CCDC102B: variants seen among roughly 807,000 people sequenced by gnomAD.
The protein encoded by CCDC102B is coiled-coil domain-containing protein 102B.
CCDC102B carries 75 observed loss-of-function variants against 57.4 expected under a neutral mutation model. That is an observed-to-expected ratio of 1.31 (90% CI 1.08 to 1.58). The LOEUF (loss-of-function observed/expected upper bound fraction) is 1.58, where lower values mean the gene tolerates loss of function less well. Among genes scored for constraint, CCDC102B ranks in the 40% most tolerant of loss-of-function variants. The pLI, the probability that CCDC102B is intolerant of heterozygous loss-of-function variation, is 0.00. For missense variants in CCDC102B, 636 were observed against 582.6 expected (o/e 1.09, Z -0.94); for synonymous variants, 206 against 201.9 (o/e 1.02, Z -0.17).
At chr18:69,032,213 C>T (rs1385869829) in intron 7 of CCDC102B, among the ~76,000 whole-genome samples, 1 of 152,100 alleles carries the variant, frequency 6.6e-6, no homozygotes, top group Non-Finnish European at 1.5e-5. Flanking sequence ...CTTCTGAAAG[C>T]AGACATCTGT....
chr18:68,910,112 G>A (rs185877677), intron 6 of CCDC102B, among the ~76,000 whole-genome samples: 1 of 152,254 alleles, frequency 6.6e-6, no homozygotes, highest in African/African-American at 2.4e-5. Flanking sequence ...GGCCAACACG[G>A]TGAAACACCG....
intron 1 of CCDC102B, among the ~76,000 whole-genome samples, chr18:68,810,692 T>TTGTTTG (rs2036222843): frequency 7.0e-6 from 1 of 142,456 alleles, no homozygotes; most frequent in African/African-American, 2.7e-5. Context: ...TTTTTTTTTT[T>TTGTTTG]TTTTTTTTTT....
At chr18:68,847,393 T>G (rs2037920457) in intron 4 of CCDC102B, among the ~76,000 whole-genome samples, 1 of 150,626 alleles carries the variant, frequency 6.6e-6, no homozygotes, top group Admixed American at 6.7e-5. Context: ...AAGCTAATAT[T>G]TAAGATGCAA....
intron 4 of CCDC102B, among the ~76,000 whole-genome samples, chr18:68,853,410 A>G (rs2038222124): frequency 6.6e-6 from 1 of 152,068 alleles, no homozygotes; most frequent in Non-Finnish European, 1.5e-5. Context: ...AGTCTGGAAA[A>G]AAGACTAAAT....
At chr18:69,018,587 A>G (rs754554516) in intron 7 of CCDC102B, among the ~76,000 whole-genome samples, 1 of 152,114 alleles carries the variant, frequency 6.6e-6, no homozygotes, top group Non-Finnish European at 1.5e-5. Flanking sequence ...ATGCCTATTC[A>G]CGTATTCTGC....
Position 68,888,435 on chromosome 18 carries a change from A to G in CCDC102B, c.1054-8784A>G, listed in dbSNP as rs1007754983. Among the ~76,000 whole-genome samples, 6 of 152,256 alleles carry G rather than the reference A, an allele frequency of 3.9e-5. No individual in the cohort carries two copies. In the East Asian group the frequency reaches 5.8e-4, roughly 15 times the overall value. ...TATCCTTTGTTCTTCTACGTTCTGT[A>G]TTTCCTGCAAACAAGAATTAAGTCT... On this transcript the variant is annotated intron_variant, in intron 5 of 7. Transcript: ENST00000360242.
chr18:68,952,621 A>C (rs896688774), intron 6 of CCDC102B, among the ~76,000 whole-genome samples: 8 of 152,144 alleles, frequency 5.3e-5, no homozygotes, highest in African/African-American at 1.7e-4. Context: ...GGTAAAGAGA[A>C]AAGCTGTATA....
chr18:68,741,713 A>ACACC (rs1393809459), intron 2 of CCDC102B, among the ~76,000 whole-genome samples: 4 of 97,650 alleles, frequency 4.1e-5, no homozygotes, highest in African/African-American at 1.7e-4. Flanking sequence ...ACACACACAC[A>ACACC]CCCCAAGACA....
At chr18:68,838,520 T>C (rs1004051267) in intron 2 of CCDC102B, 186 bp from the exon 3 acceptor site, 23 of 984,948 alleles carry the variant, frequency 2.3e-5, no homozygotes, top group Non-Finnish European at 2.7e-5. Context: ...AAGTAGAACA[T>C]AGAAAAAAAC....
chr18:68,814,827 A>C (rs1404514246), intron 1 of CCDC102B, among the ~76,000 whole-genome samples: 1 of 152,108 alleles, frequency 6.6e-6, no homozygotes, highest in Non-Finnish European at 1.5e-5. Flanking sequence ...GAAAAGAAAA[A>C]AAATCTCCAA....
chr18:68,835,353 A>G (rs774586999), intron 1 of CCDC102B, among the ~76,000 whole-genome samples: 27 of 149,958 alleles, frequency 1.8e-4, no homozygotes, highest in Non-Finnish European at 3.7e-4. Context: ...CCTTGACCAT[A>G]CCTAAGAATC....
intron 5 of CCDC102B, among the ~76,000 whole-genome samples, chr18:68,875,742 ATAT>A (rs1263949579): frequency 2.6e-5 from 4 of 152,110 alleles, no homozygotes; most frequent in Non-Finnish European, 4.4e-5. Flanking sequence ...AGTAATAATA[ATAT>A]TAATAATAAT....
chr18:68,994,185 G>T (rs2145334584), intron 6 of CCDC102B, among the ~76,000 whole-genome samples: 1 of 152,066 alleles, frequency 6.6e-6, no homozygotes, highest in African/African-American at 2.4e-5. Context: ...TACTTTAATT[G>T]CTTTGGTCAC....
At chr18:68,847,791 T>A (rs2037941335) in intron 4 of CCDC102B, among the ~76,000 whole-genome samples, 1 of 151,786 alleles carries the variant, frequency 6.6e-6, no homozygotes, top group Non-Finnish European at 1.5e-5. Context: ...ATTTGTCTTT[T>A]GAGTGCATAT....
intron 6 of CCDC102B, among the ~76,000 whole-genome samples, chr18:68,927,895 G>C (rs1354892044): frequency 2.0e-5 from 3 of 151,856 alleles, no homozygotes; most frequent in African/African-American, 7.2e-5. Context: ...TTTTTTACAG[G>C]GAGTGTTTGT....
chr18:68,882,211 AC>A (rs1279567087), intron 5 of CCDC102B, among the ~76,000 whole-genome samples: 1 of 152,226 alleles, frequency 6.6e-6, no homozygotes, highest in Non-Finnish European at 1.5e-5. Context: ...TATTGTTACC[AC>A]TTAGACAATA....
chr18:68,725,715 T>C (rs1029029797), intron 2 of CCDC102B, among the ~76,000 whole-genome samples: 1 of 152,242 alleles, frequency 6.6e-6, no homozygotes, highest in African/African-American at 2.4e-5. Context: ...CCCTGAATAA[T>C]CCAAGATTCT....
chr18:68,940,774 A>G (rs926293310), intron 6 of CCDC102B, among the ~76,000 whole-genome samples: 5 of 151,972 alleles, frequency 3.3e-5, no homozygotes, highest in African/African-American at 1.2e-4. Context: ...CTAGAGGTCT[A>G]GAATTAATGT....
At chr18:68,791,109 T>C (rs565286285) in intron 2 of CCDC102B, among the ~76,000 whole-genome samples, 1 of 152,254 alleles carries the variant, frequency 6.6e-6, no homozygotes, top group Admixed American at 6.5e-5. Context: ...CAAGAATATT[T>C]ATTAACATTA....
Sources: allele counts gnomAD v4.1 joint callset (sites outside exome capture counted in the v4.1 genomes callset), GRCh38; gene constraint gnomAD v4.1.1; transcripts MANE v1.5; gene names NCBI Gene and HGNC (gene_info 2026-07-23, HGNC 2026-07-21).